The following SESN1 variants were observed in gnomAD, a reference collection of about 807,000 sequenced individuals.
The protein encoded by SESN1 is sestrin 1, also known as sestrin-1.
Under a neutral mutation model 59.3 loss-of-function variants are expected in SESN1, and 30 were observed. The ratio of observed to expected loss-of-function variants is 0.51; its 90% confidence interval spans 0.38 to 0.69. SESN1 has a LOEUF of 0.69. SESN1 is among the 30% of genes least tolerant of loss of function. The pLI is 0.00. For synonymous variants in SESN1, 197 were observed against 219.9 expected (o/e 0.90, Z 0.92); for missense variants, 566 against 673.0 (o/e 0.84, Z 1.76).
chr6:108,996,420 T>G (rs1779503234), intron 5 of SESN1, among the ~76,000 whole-genome samples: 1 of 152,142 alleles, frequency 6.6e-6, no homozygotes, highest in South Asian at 2.1e-4. Flanking sequence ...TGAAAAGGAT[T>G]AGGTTTCATG....
intron 1 of SESN1, among the ~76,000 whole-genome samples, chr6:109,071,795 T>C (rs1780940537): frequency 6.6e-6 from 1 of 152,196 alleles, no homozygotes; most frequent in South Asian, 2.1e-4. Context: ...CAACAAAAAT[T>C]TCCCTTTGTT....
chr6:109,072,393 C>T (rs935024534), intron 1 of SESN1, among the ~76,000 whole-genome samples: 1 of 152,134 alleles, frequency 6.6e-6, no homozygotes, highest in Non-Finnish European at 1.5e-5. Flanking sequence ...TTGAATATAA[C>T]TCCAGTCCTT....
At chr6:109,038,964 A>T (rs1433488540) in intron 1 of SESN1, among the ~76,000 whole-genome samples, 1 of 149,734 alleles carries the variant, frequency 6.7e-6, no homozygotes, top group African/African-American at 2.5e-5. Context: ...GAGAAGGGAG[A>T]AGAAGGAAAA....
intron 4 of SESN1, 185 bp from the exon 5 acceptor site, chr6:108,998,940 C>T (rs1331971541): frequency 3.7e-6 from 2 of 541,114 alleles, no homozygotes; most frequent in Non-Finnish European, 6.3e-6. Flanking sequence ...ACAAATAGAA[C>T]TTAACATAAT....
chr6:109,079,353 G>A (rs1347175225), intron 1 of SESN1, among the ~76,000 whole-genome samples: 4 of 152,214 alleles, frequency 2.6e-5, no homozygotes, highest in East Asian at 1.9e-4. Flanking sequence ...CACTAATGAG[G>A]TATAACAGTT....
chr6:109,039,973 T>C (rs764685642), intron 1 of SESN1, among the ~76,000 whole-genome samples: 1 of 152,172 alleles, frequency 6.6e-6, no homozygotes, highest in Non-Finnish European at 1.5e-5. Context: ...CAAATGTGTA[T>C]GTACCAACAG....
intron 1 of SESN1, among the ~76,000 whole-genome samples, chr6:109,029,139 C>T (rs1177232257): frequency 6.6e-6 from 1 of 152,104 alleles, no homozygotes; most frequent in Non-Finnish European, 1.5e-5. Context: ...ATAATGTAAG[C>T]AGTAAATGGA....
chr6:109,061,283 A>C (rs1044285736), intron 1 of SESN1, among the ~76,000 whole-genome samples: 10 of 152,188 alleles, frequency 6.6e-5, no homozygotes, highest in African/African-American at 2.2e-4. Context: ...GCGATCTAAG[A>C]AAAAAACAGC....
At chr6:109,059,551 C>T (rs941025059) in intron 1 of SESN1, 2 of 151,850 alleles carry the variant, frequency 1.3e-5, no homozygotes, top group Admixed American at 6.6e-5. Flanking sequence ...CATTCTTGTG[C>T]AGGGGCATGC....
intron 1 of SESN1, among the ~76,000 whole-genome samples, chr6:109,016,881 CAAAT>C (rs2114360940): frequency 6.6e-6 from 1 of 152,046 alleles, no homozygotes; most frequent in East Asian, 1.9e-4. Flanking sequence ...TATTTTCTGG[CAAAT>C]AACTCAGAAA....
At chr6:109,064,610 G>A (rs1274366045) in intron 1 of SESN1, among the ~76,000 whole-genome samples, 2 of 10,024 alleles carry the variant, frequency 2.0e-4, no homozygotes, top group Non-Finnish European at 5.5e-4. Context: ...GAGGGGAGGG[G>A]AGGGGAGGGG....
intron 2 of SESN1, among the ~76,000 whole-genome samples, chr6:109,001,988 C>T (rs1342774472): frequency 6.6e-6 from 1 of 152,024 alleles, no homozygotes; most frequent in East Asian, 1.9e-4. Flanking sequence ...GTTATGGGCA[C>T]ACCTAAACAA....
intron 1 of SESN1, among the ~76,000 whole-genome samples, chr6:109,086,437 A>G (rs1781214545): frequency 3.3e-5 from 5 of 152,244 alleles, no homozygotes; most frequent in South Asian, 2.1e-4. Context: ...TTAAGTTAGC[A>G]GTTTGAATTA....
At chr6:109,046,412 T>A (rs879643998) in intron 1 of SESN1, among the ~76,000 whole-genome samples, 1 of 151,212 alleles carries the variant, frequency 6.6e-6, no homozygotes, top group Non-Finnish European at 1.5e-5. Context: ...TGGAGTGCAG[T>A]GGCATGATCT....
intron 1 of SESN1, chr6:109,009,312 C>T (rs1779807086): frequency 7.0e-7 from 1 of 1,438,246 alleles, no homozygotes; most frequent in Non-Finnish European, 9.1e-7. Flanking sequence ...GCCGGGTGCC[C>T]ACCCGCCCAG....
intron 1 of SESN1, among the ~76,000 whole-genome samples, chr6:109,082,522 A>G (rs1175968454): frequency 6.6e-6 from 1 of 152,164 alleles, no homozygotes; most frequent in Non-Finnish European, 1.5e-5. Flanking sequence ...CTGTCCAGGT[A>G]CTGAAGCACA....
At chr6:109,047,014 G>C (rs1233126904) in intron 1 of SESN1, among the ~76,000 whole-genome samples, 1 of 46,582 alleles carries the variant, frequency 2.1e-5, no homozygotes, top group Non-Finnish European at 4.2e-5. Context: ...CCCCCTGCCC[G>C]GCCAGCCGCC....
chr6:109,009,223 T>C (rs977458474), intron 1 of SESN1: 2 of 887,318 alleles, frequency 2.3e-6, no homozygotes, highest in Admixed American at 4.3e-5. Context: ...GCCCGCCCTA[T>C]CTGGGGAGCG....
intron 1 of SESN1, among the ~76,000 whole-genome samples, chr6:109,019,041 C>T (rs1432879426): frequency 1.3e-5 from 2 of 152,146 alleles, no homozygotes; most frequent in African/African-American, 4.8e-5. Context: ...CCACTGTTTT[C>T]ACTAATTGAT....
Sources: gnomAD v4.1 joint callset for allele counts (sites outside exome capture counted in the v4.1 genomes callset) on GRCh38, gnomAD v4.1.1 for gene constraint, MANE v1.5 for transcripts, NCBI Gene and HGNC (gene_info 2026-07-23, HGNC 2026-07-21) for gene names.